Variants in SLC35E4 observed in about 807,000 individuals in gnomAD.
SLC35E4 encodes the protein solute carrier family 35 member E4.
In SLC35E4, 15 loss-of-function variants were observed where a neutral mutation model predicts 19.3. That is an observed-to-expected ratio of 0.78 (90% CI 0.52 to 1.20). The LOEUF (loss-of-function observed/expected upper bound fraction) is 1.20, where lower values mean the gene tolerates loss of function less well. Among genes scored for constraint, SLC35E4 ranks in the 50% most tolerant of loss-of-function variants. The pLI is 0.00. For synonymous variants in SLC35E4, 219 were observed against 219.9 expected, an observed-to-expected ratio of 1.00 and a Z score of 0.04; for missense variants, 406 against 472.3, an observed-to-expected ratio of 0.86 and a Z score of 1.30.
At chr22:30,649,091 C>T, downstream of SLC35E4, 2 of 699,498 alleles carry the variant, frequency 2.9e-6, no homozygotes, top group Non-Finnish European at 5.3e-6. Flanking sequence ...GATAAGGACC[C>T]AGTTGGAGTG....
chr22:30,637,034 C>A lies in SLC35E4; in HGVS notation c.584C>A (p.Ala195Asp), dbSNP rs1472298979. The change falls in exon 1 of 2, where the codon GCC becomes GAC. Residue 195 changes from alanine (A) to aspartate (D), a missense_variant. Ala to Asp is a moderately radical substitution (Grantham distance 126). Transcript: ENST00000343605. ...ACCGGCTGTGGCTTCCTGCTCGCAG[C>A]CACCTGCCTCCGCGGACTCAAGTCG... ...PPTGCGFLLA[A>D]TCLRGLKSVQ... 6.3e-7 allele frequency: 1 copy of A among 1,587,238 alleles called. No homozygotes were observed. Among genetic ancestry groups the A allele is most frequent in the Non-Finnish European group, 8.6e-7 (1 of 1,163,498 alleles).
chr22:30,645,543 C>T (rs572851341), intron 1 of SLC35E4, among the ~76,000 whole-genome samples: 4 of 146,876 alleles, frequency 2.7e-5, no homozygotes, highest in Non-Finnish European at 4.5e-5. Flanking sequence ...TGCAGCAAGC[C>T]GAGATCATTC....
chr22:30,666,644 A>AAAAAC, downstream of SLC35E4, among the ~76,000 whole-genome samples: 1 of 151,204 alleles, frequency 6.6e-6, no homozygotes, highest in Non-Finnish European at 1.5e-5. Context: ...AAAAAAAAAA[A>AAAAAC]AAGCAATCTC....
chr22:30,653,905 A>T (rs1166279528), intron 2 of SLC35E4: 5 of 166,926 alleles, frequency 3.0e-5, no homozygotes, highest in Non-Finnish European at 1.3e-5. Context: ...GGTCTTGAGG[A>T]CACCCCAGTA....
intron 2 of SLC35E4, among the ~76,000 whole-genome samples, chr22:30,655,559 G>A (rs1333133682): frequency 6.6e-6 from 1 of 150,778 alleles, no homozygotes; most frequent in African/African-American, 2.4e-5. Context: ...CCAAGGGCAC[G>A]TCTAGCATGT....
At chr22:30,660,841 ATTT>A (rs201034099) in intron 2 of SLC35E4, among the ~76,000 whole-genome samples, 2 of 144,286 alleles carry the variant, frequency 1.4e-5, no homozygotes. Flanking sequence ...GCATAGAACA[ATTT>A]TTTTTTTTTT....
chr22:30,668,165 C>G (rs1008220278), downstream of SLC35E4: 3 of 161,358 alleles, frequency 1.9e-5, no homozygotes, highest in Non-Finnish European at 4.4e-5. Context: ...GACCTGAGAT[C>G]CTCCACGATT....
intron 2 of SLC35E4, among the ~76,000 whole-genome samples, chr22:30,655,922 T>TG (rs1216910955): frequency 6.6e-6 from 1 of 150,518 alleles, no homozygotes; most frequent in Non-Finnish European, 1.5e-5. Flanking sequence ...TGGAAAGTAA[T>TG]GGATTCTTAG....
chr22:30,636,686 C>T lies in SLC35E4; in HGVS notation c.236C>T (p.Pro79Leu), dbSNP rs2087954316. 6.2e-7 allele frequency: 1 copy of T among 1,611,736 alleles called. No homozygotes were observed. Among genetic ancestry groups the T allele is most frequent in the Non-Finnish European group, 8.5e-7 (1 of 1,179,002 alleles). ...WIFTVHGFGR[P>L]LLLSALHMLV... ...TTCACAGTGCACGGCTTTGGGCGGCCCCTGCTGCTGTCGGCCCTGCACATG... is the reference window on the plus strand; with the variant it reads ...TTCACAGTGCACGGCTTTGGGCGGCTCCTGCTGCTGTCGGCCCTGCACATG... Residue 79 changes from proline (P) to leucine (L), a missense_variant, in exon 1 of 2, where the codon CCC (proline) becomes CTC (leucine). Transcript: ENST00000343605.
downstream of SLC35E4, chr22:30,663,448 T>G: frequency 6.2e-7 from 1 of 1,609,156 alleles, no homozygotes; most frequent in Non-Finnish European, 8.5e-7. Flanking sequence ...CACAGTGGAA[T>G]CATCAAACGG....
At chr22:30,651,423 ATATATTTTTTTTTTTT>A (rs1569062110), downstream of SLC35E4, among the ~76,000 whole-genome samples, 18 of 37,456 alleles carry the variant, frequency 4.8e-4, no homozygotes, top group South Asian at 3.4e-3. Flanking sequence ...ATATATATAT[ATATATTTTTTTTTTTT>A]TTTTTTTTTT....
At chr22:30,650,804 C>T (rs951919615), downstream of SLC35E4, among the ~76,000 whole-genome samples, 2 of 152,168 alleles carry the variant, frequency 1.3e-5, no homozygotes, top group African/African-American at 4.8e-5. Context: ...GGCATGCTCC[C>T]GCCTGAGCAT....
rs35362381 is a variant in SLC35E4, at chr22:30,647,403, T to TAAA, written c.*384_*386dup. On this transcript the variant is annotated 3_prime_UTR_variant, in exon 2 of 2. Coordinates refer to ENST00000343605, the MANE Select transcript of SLC35E4 (RefSeq NM_001001479.4). Reference sequence around the variant, plus strand: ...AGACAGAGCGAGACGCTGTCTCAATTAAAAAAAAAAAAAAGTGGAGAACTG... The same window carrying TAAA: ...AGACAGAGCGAGACGCTGTCTCAATTAAAAAAAAAAAAAAAAAGTGGAGAACTG... The TAAA allele has an allele frequency of 0.016, 2,369 of 151,194 alleles. 44 individuals are homozygous for TAAA. The highest frequency in any genetic ancestry group is 0.02 in the Non-Finnish European group (1,361 of 69,752). 9.4% of individuals were successfully genotyped at this position (151,194 alleles called of 1,614,324 possible).
chr22:30,664,702 T>C (rs1454046732), downstream of SLC35E4, among the ~76,000 whole-genome samples: 1 of 152,234 alleles, frequency 6.6e-6, no homozygotes, highest in Non-Finnish European at 1.5e-5. Flanking sequence ...AGACAGGATA[T>C]GCCCATGCGA....
At chr22:30,657,048 G>C (rs910552427) in intron 2 of SLC35E4, among the ~76,000 whole-genome samples, 6 of 152,172 alleles carry the variant, frequency 3.9e-5, no homozygotes, top group Non-Finnish European at 5.9e-5. Flanking sequence ...GAAGGAACTA[G>C]ATCACAATAC....
At chr22:30,665,605 CG>C (rs1569074375), downstream of SLC35E4, 1 of 466,010 alleles carries the variant, frequency 2.1e-6, no homozygotes. Context: ...CCCTCCCTCA[CG>C]TTTGACCAAC....
At chr22:30,650,023 G>A (rs2088183895), downstream of SLC35E4, among the ~76,000 whole-genome samples, 2 of 149,570 alleles carry the variant, frequency 1.3e-5, no homozygotes, top group South Asian at 4.2e-4. Context: ...AGAGAGCGCT[G>A]GATTGGGAGT....
At chr22:30,663,909 C>A (rs1339904765), downstream of SLC35E4, 13 of 1,614,198 alleles carry the variant, frequency 8.1e-6, no homozygotes, top group East Asian at 2.2e-5. Flanking sequence ...GGCGGCCACA[C>A]CATTGCTGAT....
At chr22:30,646,489 C>A in intron 1 of SLC35E4, 109 bp from the exon 2 acceptor site, 2 of 1,309,108 alleles carry the variant, frequency 1.5e-6, no homozygotes, top group Non-Finnish European at 2.1e-6. Flanking sequence ...ACTAGCCCTG[C>A]CCGAGGGGTC....
Sources: gnomAD v4.1 joint callset for allele counts (sites outside exome capture counted in the v4.1 genomes callset) on GRCh38, gnomAD v4.1.1 for gene constraint, MANE v1.5 for transcripts, NCBI Gene and HGNC (gene_info 2026-07-23, HGNC 2026-07-21) for gene names.